The following AOPEP variants were observed in gnomAD, a reference collection of about 807,000 sequenced individuals.
AOPEP encodes the protein aminopeptidase O.
Under a neutral mutation model 98.1 loss-of-function variants are expected in AOPEP, and 77 were observed. That is an observed-to-expected ratio of 0.78 (90% CI 0.65 to 0.95). AOPEP has a LOEUF of 0.95. Ranked by LOEUF, AOPEP falls within the 40% of genes least tolerant of loss-of-function variation. The pLI, the probability that AOPEP is intolerant of heterozygous loss-of-function variation, is 0.00. For missense variants in AOPEP, 1,024 were observed against 1,024.7 expected (o/e 1.00, Z 0.01); for synonymous variants, 346 against 365.3 (o/e 0.95, Z 0.60).
chr9:94,949,241 T>G (rs2137784284), intron 7 of AOPEP, among the ~76,000 whole-genome samples: 1 of 152,332 alleles, frequency 6.6e-6, no homozygotes, highest in South Asian at 2.1e-4. Context: ...GACATTTTGG[T>G]TTTGTGTTGA....
the AOPEP span, among the ~76,000 whole-genome samples, chr9:95,139,901 TAAA>T: frequency 0.011 from 1,565 of 148,962 alleles, 27 homozygotes; most frequent in African/African-American, 0.037. Flanking sequence ...GACAATAAAG[TAAA>T]AAAGAAAAAA....
In AOPEP at chr9:95,082,726, C is replaced by G; in HGVS notation, c.*4+7C>G. The G allele has an allele frequency of 3.7e-6, 6 of 1,613,960 alleles. No homozygotes were observed. Among genetic ancestry groups the G allele is most frequent in the Non-Finnish European group, 5.1e-6 (6 of 1,179,916 alleles). On this transcript the variant is annotated splice_region_variant and intron_variant, in intron 16 of 16. Coordinates refer to ENST00000375315, the MANE Select transcript of AOPEP (RefSeq NM_001193329.3). ...GAAATGTTATTTTAACGAGGTGATT[C>G]TCTCCCTTTCCTTTCTGTCATTTAG...
intron 5 of AOPEP, among the ~76,000 whole-genome samples, chr9:94,842,208 A>C (rs1312499728): frequency 6.6e-6 from 1 of 152,034 alleles, no homozygotes; most frequent in African/African-American, 2.4e-5. Context: ...CTAAAAATAC[A>C]AAAATTAGCT....
At chr9:95,100,389 T>C in the AOPEP span, 3 of 231,252 alleles carry the variant, frequency 1.3e-5, no homozygotes, top group African/African-American at 2.2e-5. Context: ...CATTGCCACA[T>C]ACCAAAATAA....
At chr9:95,126,651 C>T in the AOPEP span, 10 of 1,510,656 alleles carry the variant, frequency 6.6e-6, no homozygotes, top group African/African-American at 1.4e-4. Context: ...CTATTATCAG[C>T]CAAAGGAGTT....
intron 13 of AOPEP, among the ~76,000 whole-genome samples, chr9:95,039,530 A>G (rs1383035324): frequency 4.6e-5 from 7 of 152,192 alleles, no homozygotes; most frequent in Non-Finnish European, 8.8e-5. Flanking sequence ...CTGTGTTCAC[A>G]CCACTGCACT....
the AOPEP span, chr9:95,111,191 A>C: frequency 1.3e-6 from 2 of 1,536,048 alleles, no homozygotes; most frequent in Non-Finnish European, 1.7e-6. Flanking sequence ...CTGAGCAATA[A>C]CAGATCAAAT....
At chr9:94,869,970 A>G (rs2046137262) in intron 5 of AOPEP, among the ~76,000 whole-genome samples, 1 of 114,494 alleles carries the variant, frequency 8.7e-6, no homozygotes, top group Non-Finnish European at 1.7e-5. Flanking sequence ...AGAAGCCATG[A>G]ATTTTTTTTT....
At chr9:95,009,634 G>C (rs530767647) in intron 13 of AOPEP, among the ~76,000 whole-genome samples, 1 of 152,286 alleles carries the variant, frequency 6.6e-6, no homozygotes, top group Admixed American at 6.5e-5. Context: ...GAGTGGTCTT[G>C]GCTGGGGTGA....
chr9:94,928,895 G>A (rs749854620), intron 7 of AOPEP: 1 of 196,854 alleles, frequency 5.1e-6, no homozygotes, highest in Non-Finnish European at 1.0e-5. Flanking sequence ...AAATCTTTAG[G>A]AAAATATTGA....
chr9:95,112,569 G>A, the AOPEP span, among the ~76,000 whole-genome samples: 17 of 152,336 alleles, frequency 1.1e-4, no homozygotes, highest in East Asian at 3.3e-3. Context: ...AGGCCACGTT[G>A]GCTGTGGGCT....
In AOPEP at chr9:94,760,352, A is replaced by G. The variant is rs541884324; in HGVS notation, c.569A>G (p.Glu190Gly). The change falls in exon 2 of 17, where the codon GAA (glutamate) becomes GGA (glycine). Residue 190 changes from glutamate to glycine, a missense_variant. By Grantham distance (98) the Glu-to-Gly change is moderately conservative (BLOSUM62 -2). Coordinates refer to ENST00000375315, the MANE Select transcript of AOPEP (RefSeq NM_001193329.3). ...GAGTTCAGGAATCAGATTGTACGTG[A>G]ACTTGTGACTTTGCCTGCAAATCGT... ...SEEFRNQIVR[E>G]LVTLPANRWR... is the part of the protein sequence containing the mutation. 15 of 1,614,152 alleles carry G rather than the reference A, an allele frequency of 9.3e-6. No individual in the cohort carries two copies. The highest frequency in any genetic ancestry group is 1.2e-5 in the Non-Finnish European group (14 of 1,180,028).
intron 5 of AOPEP, among the ~76,000 whole-genome samples, chr9:94,861,391 C>T (rs2044961334): frequency 6.6e-6 from 1 of 152,194 alleles, no homozygotes; most frequent in Admixed American, 6.5e-5. Context: ...AAGAGAGAAA[C>T]ATATACTGGT....
At chr9:94,957,861 G>A (rs2058570564) in intron 9 of AOPEP, among the ~76,000 whole-genome samples, 1 of 151,814 alleles carries the variant, frequency 6.6e-6, no homozygotes, top group African/African-American at 2.4e-5. Context: ...CATATAGCAT[G>A]TATCAGTACT....
At chr9:94,855,515 C>G (rs1289583511) in intron 5 of AOPEP, among the ~76,000 whole-genome samples, 1 of 152,004 alleles carries the variant, frequency 6.6e-6, no homozygotes, top group Non-Finnish European at 1.5e-5. Context: ...GTGGAGAAAC[C>G]CTGTCTCTAC....
chr9:94,928,656 C>G (rs964068611), intron 7 of AOPEP, 125 bp downstream of exon 7: 1 of 649,456 alleles, frequency 1.5e-6, no homozygotes, highest in African/African-American at 1.8e-5. Flanking sequence ...GGCTTCTTGT[C>G]CCCCAGATGT....
intron 14 of AOPEP, among the ~76,000 whole-genome samples, chr9:95,070,454 A>G (rs1470575333): frequency 6.6e-6 from 1 of 152,236 alleles, no homozygotes; most frequent in Non-Finnish European, 1.5e-5. Flanking sequence ...CAAAAGGACT[A>G]AAAATAAAGG....
chr9:94,932,657 T>A (rs1218488562), intron 7 of AOPEP: 1 of 247,488 alleles, frequency 4.0e-6, no homozygotes, highest in African/African-American at 2.3e-5. Context: ...CTAATTTTTG[T>A]ATTTTTAGTA....
At chr9:94,920,349 C>A (rs778829589) in intron 5 of AOPEP, 1 of 152,752 alleles carries the variant, frequency 6.5e-6, no homozygotes, top group Non-Finnish European at 1.5e-5. Flanking sequence ...AACTTGCTCT[C>A]CATGAGGGGA....
Sources: gnomAD v4.1 joint callset for allele counts (sites outside exome capture counted in the v4.1 genomes callset) on GRCh38, gnomAD v4.1.1 for gene constraint, MANE v1.5 for transcripts, NCBI Gene and HGNC (gene_info 2026-07-23, HGNC 2026-07-21) for gene names.